The following LRRC4C variants were observed in gnomAD, a reference collection of about 807,000 sequenced individuals.
LRRC4C encodes the protein leucine-rich repeat-containing protein 4C.
LRRC4C carries 5 observed loss-of-function variants against 33.6 expected under a neutral mutation model. The ratio of observed to expected loss-of-function variants is 0.15; its 90% CI spans 0.08 to 0.31. LRRC4C has a LOEUF of 0.31. Among genes scored for constraint, LRRC4C ranks in the 10% least tolerant of loss-of-function variants. The pLI, the probability that LRRC4C is intolerant of heterozygous loss-of-function variation, is 1.00. For synonymous variants in LRRC4C, 329 were observed against 302.0 expected (o/e 1.09, Z -0.93); for missense variants, 560 against 796.7 (o/e 0.70, Z 3.58).
chr11:40,574,882 A>G (rs1958124941), intron 3 of LRRC4C, among the ~76,000 whole-genome samples: 1 of 152,170 alleles, frequency 6.6e-6, no homozygotes, highest in African/African-American at 2.4e-5. Flanking sequence ...AGCACATAGT[A>G]GTGAGGAGGC....
At chr11:40,669,858 C>T (rs1943999257) in intron 2 of LRRC4C, among the ~76,000 whole-genome samples, 1 of 152,170 alleles carries the variant, frequency 6.6e-6, no homozygotes, top group Admixed American at 6.5e-5. Flanking sequence ...TAACATCTCT[C>T]CTCATTATAC....
chr11:40,665,039 C>T (rs193297874), intron 2 of LRRC4C, among the ~76,000 whole-genome samples: 1 of 150,384 alleles, frequency 6.6e-6, no homozygotes, highest in Admixed American at 6.6e-5. Context: ...GTTTTTTGTC[C>T]TTGCGGTAGT....
At chr11:40,662,455 C>A (rs1267951933) in intron 2 of LRRC4C, among the ~76,000 whole-genome samples, 1 of 152,138 alleles carries the variant, frequency 6.6e-6, no homozygotes, top group Non-Finnish European at 1.5e-5. Flanking sequence ...ACCTTGCAGA[C>A]CCTTAAAAAA....
chr11:40,336,976 CAAAAAAAAAAAAAAAAAAAA>C (rs34144874), intron 3 of LRRC4C, among the ~76,000 whole-genome samples: 1 of 79,276 alleles, frequency 1.3e-5, no homozygotes, highest in Admixed American at 1.5e-4. Flanking sequence ...GACTTCGTCT[CAAAAAAAAAAAAAAAAAAAA>C]AAAAAAAAAA....
intron 2 of LRRC4C, among the ~76,000 whole-genome samples, chr11:40,873,127 A>G (rs10734488): frequency 0.58 from 88,319 of 151,984 alleles, 29,947 homozygotes; most frequent in East Asian, 0.86. Flanking sequence ...CCTGGGTTCA[A>G]ATTCTATTAG....
At chr11:41,184,373 C>T (rs1945593963) in intron 1 of LRRC4C, among the ~76,000 whole-genome samples, 1 of 152,040 alleles carries the variant, frequency 6.6e-6, no homozygotes, top group African/African-American at 2.4e-5. Context: ...CTCTTGAATG[C>T]TTTGCTGCTT....
chr11:41,004,910 A>C (rs1259879378), intron 1 of LRRC4C, among the ~76,000 whole-genome samples: 1 of 152,186 alleles, frequency 6.6e-6, no homozygotes, highest in Non-Finnish European at 1.5e-5. Flanking sequence ...ATGGATGCTA[A>C]AAGATGGTTA....
At chr11:41,234,663 C>T (rs1424647564) in intron 1 of LRRC4C, among the ~76,000 whole-genome samples, 1 of 151,926 alleles carries the variant, frequency 6.6e-6, no homozygotes, top group Non-Finnish European at 1.5e-5. Context: ...AATCATAATC[C>T]GAATGGATGG....
At chr11:41,123,304 G>A (rs1212679124) in intron 1 of LRRC4C, among the ~76,000 whole-genome samples, 1 of 113,288 alleles carries the variant, frequency 8.8e-6, no homozygotes, top group Admixed American at 1.2e-4. Flanking sequence ...ACGGAGTCTC[G>A]CTCTGTCGCC....
intron 1 of LRRC4C, among the ~76,000 whole-genome samples, chr11:41,219,220 C>T (rs1416449928): frequency 6.6e-6 from 1 of 151,846 alleles, no homozygotes; most frequent in Admixed American, 6.5e-5. Flanking sequence ...ATAGTACAGA[C>T]ACAAGTACTC....
At chr11:40,741,112 A>T (rs1274256742) in intron 2 of LRRC4C, among the ~76,000 whole-genome samples, 2 of 152,068 alleles carry the variant, frequency 1.3e-5, no homozygotes, top group South Asian at 2.1e-4. Flanking sequence ...TTTCTGGCTG[A>T]TAAAATAAGG....
At chr11:40,836,677 T>G (rs577643300) in intron 2 of LRRC4C, among the ~76,000 whole-genome samples, 1 of 152,314 alleles carries the variant, frequency 6.6e-6, no homozygotes, top group Admixed American at 6.5e-5. Flanking sequence ...GGCCAAAATT[T>G]GACTCAACGT....
At chr11:40,982,334 G>T (rs369488279) in intron 1 of LRRC4C, among the ~76,000 whole-genome samples, 1 of 152,204 alleles carries the variant, frequency 6.6e-6, no homozygotes, top group Non-Finnish European at 1.5e-5. Flanking sequence ...AAACAAGAAT[G>T]TTAAGCAAAA....
At chr11:40,244,948 T>C (rs1397517002) in intron 4 of LRRC4C, among the ~76,000 whole-genome samples, 1 of 152,186 alleles carries the variant, frequency 6.6e-6, no homozygotes, top group Non-Finnish European at 1.5e-5. Flanking sequence ...CTTTTTCCAA[T>C]TAATAGCTCA....
At chr11:40,322,029 A>T (rs916290066) in intron 3 of LRRC4C, among the ~76,000 whole-genome samples, 3 of 152,116 alleles carry the variant, frequency 2.0e-5, no homozygotes. Context: ...GTTGATTAGA[A>T]CAAAGTGAAT....
At chr11:40,730,648 C>G (rs1406615534) in intron 2 of LRRC4C, among the ~76,000 whole-genome samples, 1 of 152,114 alleles carries the variant, frequency 6.6e-6, no homozygotes, top group South Asian at 2.1e-4. Flanking sequence ...ATCACAGAGG[C>G]TCAATCAGAT....
intron 3 of LRRC4C, among the ~76,000 whole-genome samples, chr11:40,564,961 C>G (rs1343945669): frequency 6.6e-6 from 1 of 152,116 alleles, no homozygotes; most frequent in East Asian, 1.9e-4. Flanking sequence ...CACATGCAGC[C>G]TGAGACACGT....
intron 1 of LRRC4C, among the ~76,000 whole-genome samples, chr11:41,085,626 G>A (rs1309317767): frequency 2.0e-5 from 3 of 152,070 alleles, no homozygotes; most frequent in Non-Finnish European, 2.9e-5. Flanking sequence ...TGCCATTCTT[G>A]TTATGCTTCA....
chr11:40,299,168 C>T (rs1307683384), intron 4 of LRRC4C, among the ~76,000 whole-genome samples: 2 of 152,078 alleles, frequency 1.3e-5, no homozygotes, highest in Non-Finnish European at 2.9e-5. Context: ...CATTAGTGAC[C>T]ATCTAATCAG....
Sources: gnomAD v4.1 joint callset for allele counts (sites outside exome capture counted in the v4.1 genomes callset) on GRCh38, gnomAD v4.1.1 for gene constraint, MANE v1.5 for transcripts, NCBI Gene and HGNC (gene_info 2026-07-23, HGNC 2026-07-21) for gene names.